Variants in DMD observed in about 807,000 individuals in gnomAD.
DMD encodes mutant dystrophin.
A neutral mutation model predicts 330.1 loss-of-function variants in DMD; 63 were observed. The ratio of observed to expected loss-of-function variants is 0.19; its 90% CI spans 0.16 to 0.24. The LOEUF (loss-of-function observed/expected upper bound fraction) is 0.24, where lower values mean the gene tolerates loss of function less well. Ranked by LOEUF, DMD falls within the 10% of genes least tolerant of loss-of-function variation. The pLI, the probability that DMD is intolerant of heterozygous loss-of-function variation, is 1.00. For missense variants in DMD, 3,344 were observed against 2,684.1 expected (o/e 1.25, Z -5.43); for synonymous variants, 1,223 against 959.8 (o/e 1.27, Z -5.07).
At chrX:31,590,680 AATGAC>A (rs1291068317) in intron 55 of DMD, among the ~76,000 whole-genome samples, 4 of 111,560 alleles carry the variant, frequency 3.6e-5, no homozygotes, top group Non-Finnish European at 5.7e-5. Context: ...AGGGGTGATA[AATGAC>A]TACAGTTTTT....
chrX:33,301,913 T>C (rs758500447), intron 1 of DMD, among the ~76,000 whole-genome samples: 133 of 111,839 alleles, frequency 1.2e-3, no homozygotes, highest in African/African-American at 4.2e-3. Context: ...TCATAGCAGT[T>C]TGTAAGATAA....
intron 33 of DMD, among the ~76,000 whole-genome samples, chrX:32,383,442 A>G (rs916958890): frequency 9.0e-6 from 1 of 111,503 alleles, no homozygotes; most frequent in Non-Finnish European, 1.9e-5. Flanking sequence ...CTTTGCTTTC[A>G]TTAGACAAAG....
intron 7 of DMD, among the ~76,000 whole-genome samples, chrX:32,744,525 T>G (rs1352869701): frequency 9.0e-6 from 1 of 111,580 alleles, no homozygotes; most frequent in Non-Finnish European, 1.9e-5. Flanking sequence ...GGTGGCCTAG[T>G]AGACATTTTA....
intron 44 of DMD, among the ~76,000 whole-genome samples, chrX:31,972,179 T>C (rs978363083): frequency 9.0e-6 from 1 of 111,539 alleles, no homozygotes; most frequent in Non-Finnish European, 1.9e-5. Context: ...ACATGTAGAA[T>C]TACTATATTA....
chrX:31,453,530 G>A (rs1381087679), intron 59 of DMD, among the ~76,000 whole-genome samples: 2 of 109,761 alleles, frequency 1.8e-5, no homozygotes, highest in African/African-American at 6.6e-5. Flanking sequence ...GATGGATGGT[G>A]GTGATGGCAG....
At chrX:32,627,455 A>T (rs1160308271) in intron 11 of DMD, among the ~76,000 whole-genome samples, 1 of 97,916 alleles carries the variant, frequency 1.0e-5, no homozygotes, top group Non-Finnish European at 1.9e-5. Flanking sequence ...TATAATTTTT[A>T]AATACAAAAT....
intron 2 of DMD, among the ~76,000 whole-genome samples, chrX:32,938,848 A>G (rs1334214710): frequency 9.0e-6 from 1 of 111,302 alleles, no homozygotes; most frequent in Non-Finnish European, 1.9e-5. Flanking sequence ...AATAAATTAT[A>G]GGAAAATAAT....
chrX:33,228,383 G>T (rs2052329560), intron 1 of DMD, among the ~76,000 whole-genome samples: 1 of 107,994 alleles, frequency 9.3e-6, no homozygotes, highest in African/African-American at 3.4e-5. Context: ...AGCAAATGAG[G>T]TACATTTAAG....
chrX:31,475,932 G>A (rs909871492), intron 59 of DMD, among the ~76,000 whole-genome samples: 1 of 111,556 alleles, frequency 9.0e-6, no homozygotes, highest in Non-Finnish European at 1.9e-5. Flanking sequence ...AACAGTTGTT[G>A]AGTGAATAAA....
chrX:31,971,694 G>T (rs941501191), intron 44 of DMD, among the ~76,000 whole-genome samples: 1 of 110,860 alleles, frequency 9.0e-6, no homozygotes. Flanking sequence ...GATAACACTG[G>T]GTTTACAAAA....
chrX:33,022,100 G>T (rs1352506455), intron 1 of DMD, among the ~76,000 whole-genome samples: 2 of 111,260 alleles, frequency 1.8e-5, no homozygotes, highest in Non-Finnish European at 3.8e-5. Context: ...GACCTTATTT[G>T]CAATTCCACT....
At chrX:32,770,435 A>G (rs960481299) in intron 7 of DMD, among the ~76,000 whole-genome samples, 1 of 111,932 alleles carries the variant, frequency 8.9e-6, no homozygotes, top group South Asian at 3.7e-4. Flanking sequence ...CCAAAAGTAT[A>G]GTAAGACCTT....
At chrX:32,524,893 C>T (rs1220064112) in intron 17 of DMD, among the ~76,000 whole-genome samples, 1 of 112,115 alleles carries the variant, frequency 8.9e-6, no homozygotes, top group Non-Finnish European at 1.9e-5. Context: ...TTTAAAAAGG[C>T]AATTTCAAAT....
intron 1 of DMD, among the ~76,000 whole-genome samples, chrX:33,079,497 G>A (rs2094894581): frequency 1.8e-5 from 2 of 111,513 alleles, no homozygotes; most frequent in Admixed American, 1.9e-4. Context: ...TAGAATTATA[G>A]GAGTTTTACA....
rs1229843727 is a variant in DMD, at chrX:33,136,790, G to A, written c.31+74492C>T. Among the ~76,000 whole-genome samples, 4 of 110,409 alleles carry A rather than the reference G, an allele frequency of 3.6e-5. No homozygotes were observed. In the Admixed American group the frequency reaches 3.9e-4, roughly 11 times the overall value. On this transcript the variant is annotated intron_variant, in intron 1 of 78. Transcript: ENST00000357033. ...AACAGTTCTGCAGCAATAAATCTTC[G>A]TTGTTTATAAATTACACAGTCTATG...
At chrX:32,431,373 A>G (rs961694841) in intron 29 of DMD, among the ~76,000 whole-genome samples, 15 of 111,685 alleles carry the variant, frequency 1.3e-4, no homozygotes, top group African/African-American at 4.5e-4. Context: ...GTCTTCATTG[A>G]AGAAATGCCT....
At chrX:32,433,061 G>A (rs901069890) in intron 29 of DMD, among the ~76,000 whole-genome samples, 1 of 112,369 alleles carries the variant, frequency 8.9e-6, no homozygotes, top group African/African-American at 3.2e-5. Flanking sequence ...CACTCATCAA[G>A]AGAAGTGGTA....
At chrX:32,772,981 T>C (rs1410390643) in intron 7 of DMD, among the ~76,000 whole-genome samples, 1 of 112,044 alleles carries the variant, frequency 8.9e-6, no homozygotes, top group Non-Finnish European at 1.9e-5. Context: ...GACCAATCTG[T>C]CGAGAGCATA....
intron 45 of DMD, 79 bp from the exon 46 acceptor site, chrX:31,932,306 A>G (rs2094866349): frequency 1.3e-6 from 1 of 748,006 alleles, no homozygotes; most frequent in Non-Finnish European, 2.0e-6. Flanking sequence ...ACTGGGACAC[A>G]AACATGGCAA....
Sources: allele counts gnomAD v4.1 joint callset (sites outside exome capture counted in the v4.1 genomes callset), GRCh38; gene constraint gnomAD v4.1.1; transcripts MANE v1.5; gene names NCBI Gene and HGNC (gene_info 2026-07-23, HGNC 2026-07-21).